LAMA1: variants seen among roughly 807,000 people sequenced by gnomAD.
LAMA1 encodes the protein laminin subunit alpha 1, also known as laminin subunit alpha-1.
LAMA1 carries 219 observed loss-of-function variants against 348.7 expected under a neutral mutation model. The observed-to-expected ratio is 0.63, with a 90% CI of 0.56 to 0.70. LAMA1 has a LOEUF of 0.70. LAMA1 is among the 30% of genes least tolerant of loss of function. The pLI, the probability that LAMA1 is intolerant of heterozygous loss-of-function variation, is 0.00. For missense variants in LAMA1, 3,744 were observed against 3,888.0 expected, an observed-to-expected ratio of 0.96 and a Z score of 0.99; for synonymous variants, 1,487 against 1,491.0, an observed-to-expected ratio of 1.00 and a Z score of 0.06.
chr18:6,970,421 T>C (rs1169067687), intron 48 of LAMA1, among the ~76,000 whole-genome samples: 2 of 152,168 alleles, frequency 1.3e-5, no homozygotes, highest in African/African-American at 2.4e-5. Context: ...CTGTGATTTA[T>C]AGAGGTGGGT....
chr18:7,026,504 G>A (rs139012233), intron 16 of LAMA1, among the ~76,000 whole-genome samples: 3 of 152,112 alleles, frequency 2.0e-5, no homozygotes, highest in African/African-American at 7.2e-5. Flanking sequence ...GGAAAGAATC[G>A]TTCATATATA....
Position 6,983,690 on chromosome 18 carries a change from C to T in LAMA1, c.5661-456G>A, listed in dbSNP as rs147937255. 2.0e-3 allele frequency among the ~76,000 whole-genome samples: 300 copies of T among 152,288 alleles called. 2 individuals carry two copies. Among genetic ancestry groups the T allele is most frequent in the African/African-American group, 6.7e-3 (277 of 41,572 alleles). On this transcript the variant is annotated intron_variant, in intron 39 of 62. Coordinates refer to ENST00000389658, the MANE Select transcript of LAMA1 (RefSeq NM_005559.4). ...ATCTTATCCCTCTAATGGCATACGACAATTTTACAAAATTCACTAGAGATT... is the reference window on the plus strand; with the variant it reads ...ATCTTATCCCTCTAATGGCATACGATAATTTTACAAAATTCACTAGAGATT...
At position 7,043,396 on chromosome 18, in the gene LAMA1, CA is replaced by C; in HGVS notation, c.985del (p.Cys329ValfsTer21). The C allele has an allele frequency of 6.2e-7, 1 of 1,612,822 alleles. No individual in the cohort carries two copies. Among genetic ancestry groups the C allele is most frequent in the Non-Finnish European group, 8.5e-7 (1 of 1,179,808 alleles). ...SSGNTCEACNCHNKAKDCYYD... is the reference protein window; with the variant it reads ...SSGNTCEACNXHNKAKDCYYD... ...GTAACAGTCTTTGGCTTTATTGTGA[CA>C]ATTACATGCTAGGAGAATATTTTTA... On this transcript the variant is annotated frameshift_variant, in exon 8 of 63. Coordinates refer to ENST00000389658, the MANE Select transcript of LAMA1 (RefSeq NM_005559.4). LOFTEE classifies it high-confidence loss of function.
At chr18:7,021,808 T>TATAATA (rs67635471) in intron 19 of LAMA1, among the ~76,000 whole-genome samples, 2 of 110,904 alleles carry the variant, frequency 1.8e-5, no homozygotes, top group African/African-American at 1.1e-4. Flanking sequence ...ATATATTATA[T>TATAATA]TATATAATAT....
At chr18:7,035,655 A>C (rs2057991212) in intron 13 of LAMA1, among the ~76,000 whole-genome samples, 1 of 152,098 alleles carries the variant, frequency 6.6e-6, no homozygotes, top group Admixed American at 6.5e-5. Context: ...GGCTTCAAAC[A>C]ATCCTCCTGT....
intron 6 of LAMA1, 80 bp from the exon 7 acceptor site, chr18:7,044,919 C>T (rs2058035935): frequency 1.9e-6 from 2 of 1,056,436 alleles, no homozygotes; most frequent in African/African-American, 1.6e-5. Context: ...AAGAACCTAT[C>T]TGTCAAATAT....
In LAMA1 at chr18:7,108,009, G is replaced by A. The variant is rs187878551; in HGVS notation, c.61+9651C>T. Among the ~76,000 whole-genome samples the A allele has an allele frequency of 2.3e-3, 328 of 145,258 alleles. 1 individual carries two copies. The highest frequency in any genetic ancestry group is 7.9e-3 in the African/African-American group (308 of 39,112). On this transcript the variant is annotated intron_variant, in intron 1 of 62. Transcript: ENST00000389658. ...AGCCTGGGCGACAGAGCGAGACTCC[G>A]TCTCAAATAAAAAAAATAACAAAAA...
Position 6,941,914 on chromosome 18 carries a change from A to G in LAMA1, c.*165T>C. 4 of 778,348 alleles carry G rather than the reference A, an allele frequency of 5.1e-6. No homozygotes were observed. The South Asian group carries it at 6.0e-5, about 12-fold the overall frequency. The allele number at this position is 778,348 out of a possible 1,614,324, so 48.2% of individuals were successfully genotyped here. On this transcript the variant is annotated 3_prime_UTR_variant, in exon 63 of 63. Coordinates refer to ENST00000389658, the MANE Select transcript of LAMA1 (RefSeq NM_005559.4). The stretch of plus-strand genomic sequence containing the variant: ...ACATTTTAGACCATTTAATGGAGGT[A>G]TTTGTTGCACATGTGGTTTTAGTGT...
chr18:7,012,228 T>G, intron 23 of LAMA1, 90 bp from the exon 24 acceptor site: 1 of 1,368,518 alleles, frequency 7.3e-7, no homozygotes, highest in South Asian at 1.2e-5. Flanking sequence ...ACAAACATAA[T>G]TTTAAACATA....
At chr18:7,086,722 C>T (rs553109687) in intron 1 of LAMA1, among the ~76,000 whole-genome samples, 3 of 152,304 alleles carry the variant, frequency 2.0e-5, no homozygotes, top group African/African-American at 7.2e-5. Context: ...TCTGCCTCTC[C>T]CTCAGGGACC....
chr18:6,943,196 A>G lies in LAMA1; in HGVS notation c.9051T>C (p.Tyr3017=), dbSNP rs763599885. 6.2e-7 allele frequency: 1 copy of G among 1,614,210 alleles called. No homozygotes were observed. Among genetic ancestry groups the G allele is most frequent in the Non-Finnish European group, 8.5e-7 (1 of 1,180,032 alleles). ...CGTACATACCAGGATAGCCACCAAC[A>G]TAAATGGGATTGTTGGTGTCCACTG... The part of the protein sequence containing the change: ...STSVDTNNPI[Y]VGGYPAGVKQ... Residue 3017 remains tyrosine, a synonymous_variant, in exon 62 of 63, where the codon TAT becomes TAC. Coordinates refer to ENST00000389658, the MANE Select transcript of LAMA1 (RefSeq NM_005559.4).
At chr18:7,082,470 T>G (rs1462082965) in intron 1 of LAMA1, among the ~76,000 whole-genome samples, 1 of 152,204 alleles carries the variant, frequency 6.6e-6, no homozygotes, top group Non-Finnish European at 1.5e-5. Flanking sequence ...AACCAGTAGT[T>G]AGACAGTTAT....
intron 1 of LAMA1, among the ~76,000 whole-genome samples, chr18:7,095,329 A>C (rs1028082965): frequency 1.1e-4 from 17 of 152,186 alleles, no homozygotes; most frequent in Non-Finnish European, 2.9e-5. Context: ...CTCTTAAATC[A>C]CATTTATGCG....
In LAMA1 at chr18:7,011,998, G is replaced by GT; in HGVS notation, c.3503_3504insA (p.Val1170SerfsTer17). 6.2e-7 allele frequency: 1 copy of GT among 1,604,290 alleles called. No individual in the cohort carries two copies. The highest frequency in any genetic ancestry group is 2.2e-5 in the East Asian group (1 of 44,734). On this transcript the variant is annotated frameshift_variant, in exon 24 of 63. Transcript: ENST00000389658. LOFTEE classifies it high-confidence loss of function. ...ACTTTCGCTGTGTGTGACTTACTGG[G>GT]GTCCTCACGTAGTCCTCCAGCTCTG...
chr18:7,021,257 G>T (rs1210035384), intron 19 of LAMA1, among the ~76,000 whole-genome samples: 1 of 152,124 alleles, frequency 6.6e-6, no homozygotes, highest in East Asian at 1.9e-4. Flanking sequence ...ACCCCCGACA[G>T]TCATTCATCG....
At chr18:7,048,765 T>C (rs7227122) in intron 5 of LAMA1, among the ~76,000 whole-genome samples, 5,355 of 152,176 alleles carry the variant, frequency 0.035, 324 homozygotes, top group African/African-American at 0.12. Context: ...GAAAGAAAAT[T>C]CTCAGTTGCT....
intron 16 of LAMA1, among the ~76,000 whole-genome samples, chr18:7,027,547 A>C (rs1390861006): frequency 7.0e-6 from 1 of 141,882 alleles, no homozygotes; most frequent in Non-Finnish European, 1.5e-5. Context: ...AACAACAACA[A>C]CAAAAAAAAG....
intron 1 of LAMA1, among the ~76,000 whole-genome samples, chr18:7,117,123 C>T (rs1418090294): frequency 1.3e-5 from 2 of 152,190 alleles, no homozygotes; most frequent in African/African-American, 4.8e-5. Context: ...GCGTCTCTCC[C>T]CACTAGCCCG....
chr18:7,072,539 CAAG>C (rs1328911766), intron 3 of LAMA1, among the ~76,000 whole-genome samples: 2 of 152,186 alleles, frequency 1.3e-5, no homozygotes, highest in Non-Finnish European at 1.5e-5. Flanking sequence ...GGCTGAGAAC[CAAG>C]AATACCTAGT....
Sources: allele counts gnomAD v4.1 joint callset (sites outside exome capture counted in the v4.1 genomes callset), GRCh38; gene constraint gnomAD v4.1.1; transcripts MANE v1.5; gene names NCBI Gene and HGNC (gene_info 2026-07-23, HGNC 2026-07-21).